TJP1: variants seen among roughly 807,000 people sequenced by gnomAD.
TJP1 encodes tight junction protein ZO-1.
TJP1 carries 43 observed loss-of-function variants against 194.2 expected under a neutral mutation model. The ratio of observed to expected loss-of-function variants is 0.22; its 90% confidence interval spans 0.17 to 0.29. The LOEUF is 0.29. Ranked by LOEUF, TJP1 falls within the 10% of genes least tolerant of loss-of-function variation. The probability of loss-of-function intolerance (pLI) is 1.00; values close to 1 mark genes in which losing one functional copy is unlikely to be tolerated. For synonymous variants in TJP1, 801 were observed against 779.0 expected (o/e 1.03, Z -0.47); for missense variants, 1,971 against 2,185.7 (o/e 0.90, Z 1.96).
chr15:29,729,257 G>A (rs7177230), intron 15 of TJP1: 4,882 of 152,126 alleles, frequency 0.032, 268 homozygotes, highest in African/African-American at 0.11. Flanking sequence ...CTGAGATTGC[G>A]TCAGTGCACT....
At chr15:29,712,035 T>C (rs1007183768) in intron 23 of TJP1, among the ~76,000 whole-genome samples, 4 of 152,214 alleles carry the variant, frequency 2.6e-5, no homozygotes, top group Non-Finnish European at 5.9e-5. Context: ...TTTTTTCAGA[T>C]TGCCAATTGT....
intron 2 of TJP1, among the ~76,000 whole-genome samples, chr15:29,784,841 A>C (rs945340136): frequency 6.6e-6 from 1 of 152,212 alleles, no homozygotes; most frequent in Non-Finnish European, 1.5e-5. Context: ...ATGATGTAAC[A>C]GCTATATGAT....
At chr15:29,787,170 T>C (rs2047752257) in intron 2 of TJP1, among the ~76,000 whole-genome samples, 1 of 152,176 alleles carries the variant, frequency 6.6e-6, no homozygotes, top group African/African-American at 2.4e-5. Context: ...AAGTGTATGA[T>C]TCAATGGTTT....
chr15:29,749,659 G>A (rs2045113438), intron 8 of TJP1, among the ~76,000 whole-genome samples: 1 of 152,176 alleles, frequency 6.6e-6, no homozygotes, highest in African/African-American at 2.4e-5. Flanking sequence ...GCACATGGGA[G>A]TACAAATACC....
chr15:29,806,465 A>G (rs1013081079), intron 1 of TJP1, among the ~76,000 whole-genome samples: 1 of 152,216 alleles, frequency 6.6e-6, no homozygotes. Context: ...TTTCTTGATG[A>G]CATGCAGTTC....
chr15:29,961,672 G>A (rs950079306), intron 1 of TJP1, among the ~76,000 whole-genome samples: 1 of 152,090 alleles, frequency 6.6e-6, no homozygotes, highest in African/African-American at 2.4e-5. Flanking sequence ...GATGAACACA[G>A]ACCACAGGCC....
rs908847635 is a variant in TJP1 at position 29,822,300 on chromosome 15, CG to C, written c.-273del. 61 of 1,125,442 alleles carry C rather than the reference CG, an allele frequency of 5.4e-5. No individual in the cohort carries two copies. The highest frequency in any genetic ancestry group is 6.4e-5 in the Non-Finnish European group (59 of 919,348). The allele number at this position is 1,125,442 out of a possible 1,614,324, so 69.7% of individuals were successfully genotyped here. A position where few individuals can be genotyped will look rare whatever the true frequency, so the allele number is the denominator to read the frequency against. ...CACCCACTCGGCCTCCCGCAGCTTT[CG>C]CAGCCCGGCCACGTCGGCCTCGCCC... On this transcript the variant is annotated 5_prime_UTR_variant, in exon 1 of 28. Coordinates refer to ENST00000614355, the MANE Select transcript of TJP1 (RefSeq NM_001330239.4).
intron 8 of TJP1, chr15:29,760,296 T>C (rs1288887259): frequency 1.4e-5 from 10 of 701,774 alleles, no homozygotes; most frequent in East Asian, 1.3e-4. Context: ...GATTCTCAAA[T>C]GTACGTGTGA....
chr15:29,958,985 G>GTT (rs1229574239), intron 1 of TJP1, among the ~76,000 whole-genome samples: 9 of 142,160 alleles, frequency 6.3e-5, no homozygotes, highest in Admixed American at 1.4e-4. Flanking sequence ...AAAGTAGCTA[G>GTT]TTTTTTTTTT....
At chr15:29,947,559 C>T (rs1002005502) in intron 2 of TJP1, among the ~76,000 whole-genome samples, 9 of 152,320 alleles carry the variant, frequency 5.9e-5, no homozygotes, top group African/African-American at 2.2e-4. Context: ...TCCTTACTAG[C>T]AGAACCCATT....
intron 2 of TJP1, among the ~76,000 whole-genome samples, chr15:29,909,338 C>CAAAAAAA (rs11353216): frequency 1.1e-5 from 1 of 93,668 alleles, no homozygotes; most frequent in Non-Finnish European, 2.1e-5. Flanking sequence ...ACTTCATCTC[C>CAAAAAAA]AAAAAAAAAA....
At chr15:29,842,224 T>A (rs762078080) in intron 2 of TJP1, among the ~76,000 whole-genome samples, 6 of 152,154 alleles carry the variant, frequency 3.9e-5, no homozygotes, top group Non-Finnish European at 7.3e-5. Context: ...TTTCTGGCCA[T>A]GAAAACATCA....
At chr15:29,744,816 C>T (rs2044658919) in intron 8 of TJP1, among the ~76,000 whole-genome samples, 1 of 152,054 alleles carries the variant, frequency 6.6e-6, no homozygotes, top group South Asian at 2.1e-4. Flanking sequence ...TCTGAGGCTA[C>T]CAGAACCTTT....
chr15:29,731,757 T>C (rs2043677175), intron 15 of TJP1, among the ~76,000 whole-genome samples: 2 of 151,936 alleles, frequency 1.3e-5, no homozygotes, highest in South Asian at 4.2e-4. Context: ...AATACCATGA[T>C]TGTTTATGGA....
chr15:29,931,841 G>A (rs2054724842), intron 2 of TJP1, among the ~76,000 whole-genome samples: 1 of 152,214 alleles, frequency 6.6e-6, no homozygotes, highest in African/African-American at 2.4e-5. Flanking sequence ...AGGGCTGCTG[G>A]TTGCCCATTT....
Position 29,773,106 on chromosome 15 carries a change from T to G in TJP1, c.209+127A>C. 3.5e-6 allele frequency: 4 copies of G among 1,138,392 alleles called. No individual in the cohort carries two copies. The South Asian group carries it at 8.4e-5, about 24-fold the overall frequency. The allele number at this position is 1,138,392 out of a possible 1,614,324, so 70.5% of individuals were successfully genotyped here. ...ATATATGTTAATTTAAGGAAAAATA[T>G]ATGAAGCATGGCACAGGTGGAGTGT... On this transcript the variant is annotated intron_variant, in intron 3 of 27. Transcript: ENST00000614355.
At chr15:29,830,129 C>T (rs1174528165) in intron 2 of TJP1, among the ~76,000 whole-genome samples, 3 of 151,634 alleles carry the variant, frequency 2.0e-5, no homozygotes, top group Non-Finnish European at 4.4e-5. Flanking sequence ...GAATTATTTC[C>T]AATGACACTA....
intron 2 of TJP1, among the ~76,000 whole-genome samples, chr15:29,829,004 GGC>G (rs1329662024): frequency 3.9e-4 from 59 of 152,058 alleles, no homozygotes; most frequent in Admixed American, 1.7e-3. Flanking sequence ...CCACCGCCTT[GGC>G]CTCCCTAAGT....
intron 1 of TJP1, among the ~76,000 whole-genome samples, chr15:29,963,609 A>T (rs1337636155): frequency 6.6e-6 from 1 of 152,174 alleles, no homozygotes; most frequent in African/African-American, 2.4e-5. Flanking sequence ...TTTTTAGAGT[A>T]TAAAGAAAAT....
Sources: gnomAD v4.1 joint callset for allele counts (sites outside exome capture counted in the v4.1 genomes callset) on GRCh38, gnomAD v4.1.1 for gene constraint, MANE v1.5 for transcripts, NCBI Gene and HGNC (gene_info 2026-07-23, HGNC 2026-07-21) for gene names.